The following CRACD variants were observed in gnomAD, a reference collection of about 807,000 sequenced individuals.
CRACD encodes the protein capping protein inhibiting regulator of actin dynamics.
CRACD carries 56 observed loss-of-function variants against 106.8 expected under a neutral mutation model. The ratio of observed to expected loss-of-function variants is 0.52; its 90% CI spans 0.42 to 0.66. The LOEUF (loss-of-function observed/expected upper bound fraction) is 0.66, where lower values mean the gene tolerates loss of function less well. Ranked by LOEUF, CRACD falls within the 30% of genes least tolerant of loss-of-function variation. CRACD has a pLI of 0.00. For synonymous variants in CRACD, 754 were observed against 670.8 expected (o/e 1.12, Z -1.92); for missense variants, 1,730 against 1,623.2 (o/e 1.07, Z -1.13).
intron 1 of CRACD, among the ~76,000 whole-genome samples, chr4:56,072,751 C>T (rs774397057): frequency 1.6e-4 from 24 of 152,108 alleles, no homozygotes; most frequent in Non-Finnish European, 7.4e-5. Flanking sequence ...GCTCTTCCTC[C>T]CCTTGTTTCC....
chr4:56,284,208 C>A (rs1743197478), intron 3 of CRACD, among the ~76,000 whole-genome samples: 1 of 137,294 alleles, frequency 7.3e-6, no homozygotes, highest in Non-Finnish European at 1.5e-5. Flanking sequence ...AATACCAGCA[C>A]TTTGGGAGGC....
chr4:56,187,399 A>G (rs1237943936), intron 2 of CRACD, among the ~76,000 whole-genome samples: 1 of 152,126 alleles, frequency 6.6e-6, no homozygotes, highest in Admixed American at 6.5e-5. Context: ...CATTTATGTC[A>G]ACGTGTTTCT....
intron 4 of CRACD, among the ~76,000 whole-genome samples, chr4:56,306,716 A>G (rs917361784): frequency 6.6e-6 from 1 of 152,260 alleles, no homozygotes; most frequent in East Asian, 1.9e-4. Flanking sequence ...CTCTACTTGC[A>G]AATACTATTT....
intron 3 of CRACD, 184 bp from the exon 4 acceptor site, chr4:56,298,030 T>TG (rs1244593062): frequency 1.8e-5 from 10 of 569,592 alleles, no homozygotes; most frequent in Admixed American, 9.2e-5. Flanking sequence ...ATGTAAGAGA[T>TG]GGGGACCCTT....
intron 1 of CRACD, among the ~76,000 whole-genome samples, chr4:56,066,106 G>C (rs1022165538): frequency 1.2e-4 from 19 of 152,056 alleles, no homozygotes; most frequent in Non-Finnish European, 2.6e-4. Flanking sequence ...ATGGACATTT[G>C]GGTTGTTTCT....
intron 2 of CRACD, among the ~76,000 whole-genome samples, chr4:56,208,744 A>G (rs573993992): frequency 1.3e-5 from 2 of 152,368 alleles, no homozygotes; most frequent in East Asian, 3.9e-4. Flanking sequence ...AAAGAGACTT[A>G]ATTTTGAAGT....
At chr4:56,224,395 G>A (rs1739192535) in intron 2 of CRACD, among the ~76,000 whole-genome samples, 1 of 152,022 alleles carries the variant, frequency 6.6e-6, no homozygotes, top group Admixed American at 6.5e-5. Flanking sequence ...GTTTGTTACT[G>A]GTGGAAGCCA....
chr4:56,187,843 G>A (rs1737151229), intron 2 of CRACD, among the ~76,000 whole-genome samples: 3 of 151,768 alleles, frequency 2.0e-5, no homozygotes, highest in Non-Finnish European at 2.9e-5. Context: ...CTGCTCCCAC[G>A]GAGACCAAAA....
chr4:56,219,343 CGTTT>C (rs550736884), intron 2 of CRACD, among the ~76,000 whole-genome samples: 11 of 152,082 alleles, frequency 7.2e-5, no homozygotes, highest in East Asian at 3.9e-4. Flanking sequence ...AGGTTTTGTT[CGTTT>C]GTTTGTTTGT....
At chr4:56,306,269 G>A (rs887588619) in intron 4 of CRACD, among the ~76,000 whole-genome samples, 5 of 152,106 alleles carry the variant, frequency 3.3e-5, no homozygotes, top group Non-Finnish European at 5.9e-5. Context: ...CGAGGTGGGC[G>A]GATTGCTTGA....
intron 4 of CRACD, among the ~76,000 whole-genome samples, chr4:56,305,871 G>C (rs1744661197): frequency 6.6e-6 from 1 of 152,214 alleles, no homozygotes; most frequent in Non-Finnish European, 1.5e-5. Context: ...AGTTCAAAGG[G>C]AGAGAAGACA....
At chr4:56,209,293 A>C (rs1342371692) in intron 2 of CRACD, among the ~76,000 whole-genome samples, 1 of 152,172 alleles carries the variant, frequency 6.6e-6, no homozygotes, top group African/African-American at 2.4e-5. Context: ...AAGTAACTTA[A>C]GTAACCTTTA....
chr4:56,294,863 G>A (rs1185613377), intron 3 of CRACD, among the ~76,000 whole-genome samples: 1 of 136,708 alleles, frequency 7.3e-6, no homozygotes, highest in Non-Finnish European at 1.5e-5. Flanking sequence ...ACACTAAGCC[G>A]AGATCATGCC....
At chr4:56,127,154 G>A (rs1327462510) in intron 1 of CRACD, among the ~76,000 whole-genome samples, 4 of 152,156 alleles carry the variant, frequency 2.6e-5, no homozygotes, top group Non-Finnish European at 5.9e-5. Flanking sequence ...TGCCATATGA[G>A]GACATGGTGT....
At chr4:56,241,248 A>G (rs2109561862) in intron 2 of CRACD, among the ~76,000 whole-genome samples, 1 of 152,280 alleles carries the variant, frequency 6.6e-6, no homozygotes, top group Non-Finnish European at 1.5e-5. Context: ...TATTGCAACC[A>G]AAGGGTCTTG....
chr4:56,147,851 C>A (rs1735441488), intron 1 of CRACD, among the ~76,000 whole-genome samples: 1 of 152,060 alleles, frequency 6.6e-6, no homozygotes, highest in Admixed American at 6.6e-5. Flanking sequence ...TGCTTGTGTC[C>A]CCCAAAATTC....
At chr4:56,198,300 G>C (rs956565652) in intron 2 of CRACD, among the ~76,000 whole-genome samples, 17 of 152,190 alleles carry the variant, frequency 1.1e-4, no homozygotes, top group African/African-American at 4.1e-4. Context: ...TCAAAAAGAA[G>C]AGAGGAGGTG....
intron 1 of CRACD, among the ~76,000 whole-genome samples, chr4:56,079,455 T>C (rs1220862804): frequency 6.6e-6 from 1 of 152,028 alleles, no homozygotes; most frequent in Non-Finnish European, 1.5e-5. Context: ...CTTTTCTTTT[T>C]TTTTTTTTGA....
At chr4:56,278,308 G>T (rs991210993) in intron 3 of CRACD, among the ~76,000 whole-genome samples, 1 of 152,192 alleles carries the variant, frequency 6.6e-6, no homozygotes, top group African/African-American at 2.4e-5. Context: ...TATAAGGATA[G>T]ATATAAAGAT....
Sources: allele counts gnomAD v4.1 joint callset (sites outside exome capture counted in the v4.1 genomes callset), GRCh38; gene constraint gnomAD v4.1.1; transcripts MANE v1.5; gene names NCBI Gene and HGNC (gene_info 2026-07-23, HGNC 2026-07-21).